The following DTX1 variants were observed in gnomAD, a reference collection of about 807,000 sequenced individuals.
The protein encoded by DTX1 is E3 ubiquitin-protein ligase DTX1.
In DTX1, 26 loss-of-function variants were observed where a neutral mutation model predicts 57.8. That is an observed-to-expected ratio of 0.45 (90% CI 0.33 to 0.62). The LOEUF is 0.62. DTX1 is among the 20% of genes least tolerant of loss of function. The pLI, the probability that DTX1 is intolerant of heterozygous loss-of-function variation, is 0.02. For missense variants in DTX1, 704 were observed against 895.3 expected (o/e 0.79, Z 2.73); for synonymous variants, 398 against 394.1 (o/e 1.01, Z -0.12).
chr12:113,076,753 ATTG>A (rs2136058490), intron 2 of DTX1, among the ~76,000 whole-genome samples: 1 of 152,378 alleles, frequency 6.6e-6, no homozygotes, highest in South Asian at 2.1e-4. Context: ...TAATGCAAGA[ATTG>A]TTGAATGACT....
chr12:113,082,324 C>T (rs1366183385), intron 3 of DTX1, among the ~76,000 whole-genome samples: 1 of 152,196 alleles, frequency 6.6e-6, no homozygotes, highest in Non-Finnish European at 1.5e-5. Flanking sequence ...CAAGAAACCC[C>T]CCGGGGAAAA....
At chr12:113,065,414 G>C (rs1592842551) in intron 2 of DTX1, among the ~76,000 whole-genome samples, 1 of 152,246 alleles carries the variant, frequency 6.6e-6, no homozygotes, top group African/African-American at 2.4e-5. Context: ...CGAGTACCTT[G>C]GACAGCACCA....
chr12:113,078,725 G>C (rs1179936703), intron 3 of DTX1, among the ~76,000 whole-genome samples: 1 of 152,162 alleles, frequency 6.6e-6, no homozygotes, highest in Admixed American at 6.5e-5. Context: ...GGGCTTCAGA[G>C]TCCATCTGTC....
In DTX1 at chr12:113,094,024, C is replaced by T. The variant is rs1950266512; in HGVS notation, c.1166-14C>T. 6.4e-7 allele frequency: 1 copy of T among 1,567,364 alleles called. No homozygotes were observed. The highest frequency in any genetic ancestry group is 8.7e-7 in the Non-Finnish European group (1 of 1,155,020). On this transcript the variant is annotated splice_polypyrimidine_tract_variant and intron_variant, in intron 5 of 9. Coordinates refer to ENST00000548759, the MANE Select transcript of DTX1 (RefSeq NM_004416.3). ...TCTGGGTACCCTCAAACCCACCCCG[C>T]TGTGTCCCTGCAGGTAAGAATCCCG...
Position 113,097,052 on chromosome 12 carries a change from G to T in DTX1, c.*113G>T. On this transcript the variant is annotated 3_prime_UTR_variant, in exon 10 of 10. Coordinates refer to ENST00000548759, the MANE Select transcript of DTX1 (RefSeq NM_004416.3). ...AGGGCTGGGGAGGAGCCTGCGGAAGGGGCCGCAGCCATTCAGGGGACCTGC... is the reference window on the plus strand; with the variant it reads ...AGGGCTGGGGAGGAGCCTGCGGAAGTGGCCGCAGCCATTCAGGGGACCTGC... 3.3e-6 allele frequency: 4 copies of T among 1,218,764 alleles called. No homozygotes were observed. Among genetic ancestry groups the T allele is most frequent in the Non-Finnish European group, 4.5e-6 (4 of 897,706 alleles). The allele number at this position is 1,218,764 out of a possible 1,614,324, so 75.5% of individuals were successfully genotyped here.
chr12:113,082,637 C>G (rs1226511792), intron 3 of DTX1, among the ~76,000 whole-genome samples: 1 of 152,138 alleles, frequency 6.6e-6, no homozygotes, highest in African/African-American at 2.4e-5. Context: ...CTCTTATTGC[C>G]CAGGCTGGAG....
intron 2 of DTX1, among the ~76,000 whole-genome samples, chr12:113,065,499 T>C (rs1324080904): frequency 6.6e-6 from 1 of 152,038 alleles, no homozygotes; most frequent in Non-Finnish European, 1.5e-5. Flanking sequence ...CCTCTCCCTC[T>C]CCTTCTCCTC....
chr12:113,088,526 C>T lies in DTX1; in HGVS notation c.942-4636C>T, dbSNP rs549308983. On this transcript the variant is annotated intron_variant, in intron 3 of 9. Transcript: ENST00000548759. ...CTAATGTAAATGATGAGTTAATGGG[C>T]GCAGCACACCAGCATGGCACATGTA... is the stretch of plus-strand genomic sequence containing the variant. Among the ~76,000 whole-genome samples, 18 of 152,272 alleles carry T rather than the reference C, an allele frequency of 1.2e-4. No homozygotes were observed. The South Asian group carries it at 1.2e-3, about 11-fold the overall frequency.
chr12:113,097,845 T>TG lies in DTX1; in HGVS notation c.*910dup, dbSNP rs970086320. The stretch of plus-strand genomic sequence containing the variant: ...TTTCCCTTTCGTTGGGAGTGGGCAG[T>TG]GGGGTGGCTAATTGTCTTCGGCCAA... On this transcript the variant is annotated 3_prime_UTR_variant, in exon 10 of 10. Transcript: ENST00000548759. The TG allele has an allele frequency of 5.9e-5, 9 of 152,710 alleles. No individual in the cohort carries two copies. The South Asian group carries it at 6.2e-4, about 11-fold the overall frequency. 9.5% of individuals were successfully genotyped at this position (152,710 alleles called of 1,614,324 possible).
intron 2 of DTX1, among the ~76,000 whole-genome samples, chr12:113,076,386 A>T (rs2044772187): frequency 1.3e-5 from 2 of 149,862 alleles, no homozygotes; most frequent in Non-Finnish European, 3.0e-5. Flanking sequence ...TTGAACCTGG[A>T]GGCGGAGATT....
intron 2 of DTX1, among the ~76,000 whole-genome samples, chr12:113,069,636 CA>C (rs754830929): frequency 1.2e-4 from 18 of 152,250 alleles, no homozygotes; most frequent in Non-Finnish European, 1.8e-4. Flanking sequence ...CCTGGATCCA[CA>C]GGCTGCAGCT....
intron 9 of DTX1, 83 bp downstream of exon 9, chr12:113,095,497 C>T (rs953063500): frequency 6.5e-7 from 1 of 1,542,662 alleles, no homozygotes; most frequent in African/African-American, 1.4e-5. Flanking sequence ...TGGTCCCCAT[C>T]ATTCCCAATC....
Position 113,058,454 on chromosome 12 carries a change from G to C in DTX1, c.259+3G>C, listed in dbSNP as rs769211091. ...GCACCAGTTTCGCCAGGACACAGGT[G>C]AGCAGACACCCACCCCATGCCACCC... On this transcript the variant is annotated splice_donor_region_variant and intron_variant, in intron 2 of 9. Coordinates refer to ENST00000548759, the MANE Select transcript of DTX1 (RefSeq NM_004416.3). 6.3e-7 allele frequency: 1 copy of C among 1,592,678 alleles called. No homozygotes were observed. Among genetic ancestry groups the C allele is most frequent in the Admixed American group, 1.7e-5 (1 of 59,704 alleles).
chr12:113,063,758 T>A (rs2044682058), intron 2 of DTX1, among the ~76,000 whole-genome samples: 1 of 152,210 alleles, frequency 6.6e-6, no homozygotes, highest in Non-Finnish European at 1.5e-5. Flanking sequence ...TCAGCCCTGG[T>A]CCCTGCCATG....
chr12:113,094,101 TGAG>T lies in DTX1; in HGVS notation c.1227+7_1227+9del, dbSNP rs779181161. On this transcript the variant is annotated splice_donor_5th_base_variant and intron_variant, in intron 6 of 9. Transcript: ENST00000548759. ...AAGGTGAAAAACCCACCTGATGAGG[TGAG>T]GAGGGGATGGGGGGGCTGGGGGAGG... 15 of 1,376,866 alleles carry T rather than the reference TGAG, an allele frequency of 1.1e-5. No homozygotes were observed. In the Admixed American group the frequency reaches 3.0e-4, roughly 27 times the overall value. 85.3% of individuals were successfully genotyped at this position (1,376,866 alleles called of 1,614,324 possible).
chr12:113,058,368 C>T lies in DTX1; in HGVS notation c.176C>T (p.Ser59Phe), dbSNP rs1201021667. ...ENVLKEDARG[S>F]VVLGQVDAQL... ...GTGCTGAAGGAGGACGCTCGCGGTT[C>T]CGTGGTCCTGGGGCAGGTGGACGCC... is the stretch of plus-strand genomic sequence containing the variant. The change falls in exon 2 of 10, where the codon TCC becomes TTC. Residue 59 changes from serine (S) to phenylalanine (F), a missense_variant. Ser to Phe is a radical substitution (Grantham distance 155). Transcript: ENST00000548759. The T allele has an allele frequency of 3.7e-6, 6 of 1,611,796 alleles. No individual in the cohort carries two copies. The highest frequency in any genetic ancestry group is 3.3e-5 in the South Asian group (3 of 91,074).
chr12:113,082,021 G>A (rs577075908), intron 3 of DTX1, among the ~76,000 whole-genome samples: 10 of 152,086 alleles, frequency 6.6e-5, no homozygotes, highest in East Asian at 1.9e-4. Flanking sequence ...TTGGGGGTGC[G>A]GATCATTAAA....
chr12:113,092,827 T>C (rs1396348120), intron 3 of DTX1, among the ~76,000 whole-genome samples: 1 of 152,144 alleles, frequency 6.6e-6, no homozygotes, highest in East Asian at 1.9e-4. Flanking sequence ...GCTACACCAC[T>C]AGTAGTTGGG....
intron 3 of DTX1, among the ~76,000 whole-genome samples, chr12:113,082,488 G>A (rs2044825949): frequency 6.6e-6 from 1 of 152,168 alleles, no homozygotes; most frequent in African/African-American, 2.4e-5. Flanking sequence ...GGAAAGGGAT[G>A]GAGGTGGGGG....
Sources: gnomAD v4.1 joint callset for allele counts (sites outside exome capture counted in the v4.1 genomes callset) on GRCh38, gnomAD v4.1.1 for gene constraint, MANE v1.5 for transcripts, NCBI Gene and HGNC (gene_info 2026-07-23, HGNC 2026-07-21) for gene names.